The following TBC1D14 variants were observed in gnomAD, a reference collection of about 807,000 sequenced individuals.
TBC1D14 encodes TBC1 domain family, member 14.
TBC1D14 carries 26 observed loss-of-function variants against 79.0 expected under a neutral mutation model. The ratio of observed to expected loss-of-function variants is 0.33; its 90% CI spans 0.24 to 0.46. TBC1D14 has a LOEUF of 0.46. Ranked by LOEUF, TBC1D14 falls within the 20% of genes least tolerant of loss-of-function variation. The pLI is 1.00. For missense variants in TBC1D14, 769 were observed against 887.6 expected, an observed-to-expected ratio of 0.87 and a Z score of 1.70; for synonymous variants, 394 against 349.9, an observed-to-expected ratio of 1.13 and a Z score of -1.40.
chr4:7,011,596 A>G (rs1720781950), intron 11 of TBC1D14, among the ~76,000 whole-genome samples: 1 of 151,372 alleles, frequency 6.6e-6, no homozygotes, highest in Admixed American at 6.6e-5. Context: ...TTGCTCTCTC[A>G]CCCAGACTGG....
intron 2 of TBC1D14, among the ~76,000 whole-genome samples, chr4:6,952,055 A>G (rs796786366): frequency 3.3e-5 from 5 of 152,138 alleles, no homozygotes; most frequent in African/African-American, 1.2e-4. Context: ...TCTGGGCCCC[A>G]CCCATAGCTG....
At chr4:7,022,330 C>T (rs1721910605) in intron 12 of TBC1D14, among the ~76,000 whole-genome samples, 1 of 152,190 alleles carries the variant, frequency 6.6e-6, no homozygotes, top group African/African-American at 2.4e-5. Flanking sequence ...GCCTGCAAGG[C>T]CCAAAAGATG....
Position 7,024,888 on chromosome 4 carries a change from G to C in TBC1D14, c.1758-116G>C, listed in dbSNP as rs1205366146. On this transcript the variant is annotated intron_variant, in intron 12 of 13. Transcript: ENST00000409757. Reference sequence around the variant, plus strand: ...GAGTGCAGGCCTGGCCCTGGCCCCAGCTGTTGCCTGAAAGTGACTAGGGGA... The same window carrying C: ...GAGTGCAGGCCTGGCCCTGGCCCCACCTGTTGCCTGAAAGTGACTAGGGGA... 6 of 1,413,108 alleles carry C rather than the reference G, an allele frequency of 4.2e-6. No homozygotes were observed. In the African/African-American group the frequency reaches 8.5e-5, roughly 20 times the overall value. 87.5% of individuals were successfully genotyped at this position (1,413,108 alleles called of 1,614,324 possible). A position where few individuals can be genotyped will look rare whatever the true frequency, so the allele number is the denominator to read the frequency against.
At chr4:6,944,111 G>C (rs765487687) in intron 2 of TBC1D14, among the ~76,000 whole-genome samples, 3 of 152,062 alleles carry the variant, frequency 2.0e-5, no homozygotes, top group Non-Finnish European at 4.4e-5. Context: ...TTAAAAATGC[G>C]CAGGAAAACT....
chr4:6,911,304 T>C (rs917813856), intron 1 of TBC1D14, among the ~76,000 whole-genome samples: 1 of 152,180 alleles, frequency 6.6e-6, no homozygotes, highest in African/African-American at 2.4e-5. Context: ...AAAACACCTT[T>C]TGGGAAACAT....
intron 3 of TBC1D14, among the ~76,000 whole-genome samples, chr4:6,975,173 C>T (rs1000105846): frequency 6.6e-6 from 1 of 151,336 alleles, no homozygotes; most frequent in Non-Finnish European, 1.5e-5. Flanking sequence ...CTTGGCCTCC[C>T]AAAGTGCTAG....
chr4:7,014,638 C>A, intron 12 of TBC1D14, 81 bp downstream of exon 12: 1 of 974,570 alleles, frequency 1.0e-6, no homozygotes, highest in Non-Finnish European at 1.6e-6. Context: ...CCAACTTCTT[C>A]ATGGCCCGGC....
chr4:7,010,412 G>T (rs1455008524), intron 10 of TBC1D14, among the ~76,000 whole-genome samples: 1 of 152,172 alleles, frequency 6.6e-6, no homozygotes, highest in Non-Finnish European at 1.5e-5. Flanking sequence ...GGCTGGTTTA[G>T]GGTTTTCCAT....
At chr4:6,951,851 T>TTTG (rs777350420) in intron 2 of TBC1D14, among the ~76,000 whole-genome samples, 1 of 152,050 alleles carries the variant, frequency 6.6e-6, no homozygotes, top group African/African-American at 2.4e-5. Flanking sequence ...TTGACTTAAT[T>TTTG]TTGTTGTTGT....
At chr4:7,005,850 A>G (rs1720143307) in intron 8 of TBC1D14, among the ~76,000 whole-genome samples, 1 of 152,206 alleles carries the variant, frequency 6.6e-6, no homozygotes, top group South Asian at 2.1e-4. Context: ...ATACTGGCTT[A>G]TAGAGGAGCT....
chr4:6,954,875 G>A (rs1714481002), intron 2 of TBC1D14, among the ~76,000 whole-genome samples: 2 of 152,386 alleles, frequency 1.3e-5, no homozygotes, highest in African/African-American at 4.8e-5. Context: ...AAAGTGCTGG[G>A]ATTACAGGCG....
intron 2 of TBC1D14, among the ~76,000 whole-genome samples, chr4:6,950,663 T>A (rs1188000335): frequency 6.6e-6 from 1 of 151,970 alleles, no homozygotes; most frequent in Admixed American, 6.6e-5. Flanking sequence ...TTAAATGCTT[T>A]TTTCCTGCAT....
At chr4:6,998,016 C>A (rs780335089) in intron 5 of TBC1D14, among the ~76,000 whole-genome samples, 8 of 152,022 alleles carry the variant, frequency 5.3e-5, no homozygotes, top group South Asian at 2.1e-4. Context: ...ACCACACACA[C>A]AAAAAAGTAT....
intron 6 of TBC1D14, 77 bp downstream of exon 6, chr4:6,999,279 A>T (rs867930947): frequency 4.5e-6 from 6 of 1,323,668 alleles, no homozygotes. Context: ...TGTAGTCGTC[A>T]TAGCCAGCAG....
chr4:6,985,188 C>G (rs1717714020), intron 3 of TBC1D14, among the ~76,000 whole-genome samples: 1 of 152,160 alleles, frequency 6.6e-6, no homozygotes, highest in South Asian at 2.1e-4. Flanking sequence ...TAAAGACATT[C>G]TCCTACATAA....
At chr4:6,987,027 G>A in intron 3 of TBC1D14, 1 of 418,298 alleles carries the variant, frequency 2.4e-6, no homozygotes, top group Non-Finnish European at 3.7e-6. Flanking sequence ...GCCTGTCGGC[G>A]CGCGTCCCCG....
At chr4:6,929,674 C>T (rs1007144364) in intron 2 of TBC1D14, among the ~76,000 whole-genome samples, 3 of 152,066 alleles carry the variant, frequency 2.0e-5, no homozygotes, top group Non-Finnish European at 4.4e-5. Flanking sequence ...ACTTTGAGGA[C>T]GACATTTAGT....
intron 3 of TBC1D14, among the ~76,000 whole-genome samples, chr4:6,971,487 G>T (rs1287386390): frequency 6.6e-6 from 1 of 152,198 alleles, no homozygotes; most frequent in Non-Finnish European, 1.5e-5. Context: ...CTATTTTGGG[G>T]AAATATTGAA....
chr4:6,974,228 C>A (rs1560296968), intron 3 of TBC1D14, among the ~76,000 whole-genome samples: 1 of 152,162 alleles, frequency 6.6e-6, no homozygotes. Context: ...GAGCCTGAGA[C>A]TCCCAGAAAA....
Sources: allele counts gnomAD v4.1 joint callset (sites outside exome capture counted in the v4.1 genomes callset), GRCh38; gene constraint gnomAD v4.1.1; transcripts MANE v1.5; gene names NCBI Gene and HGNC (gene_info 2026-07-23, HGNC 2026-07-21).